ZNF536: variants seen among roughly 807,000 people sequenced by gnomAD.
ZNF536 encodes zinc finger protein 536.
A neutral mutation model predicts 84.5 loss-of-function variants in ZNF536; 13 were observed. The ratio of observed to expected loss-of-function variants is 0.15; its 90% CI spans 0.10 to 0.24. The LOEUF (loss-of-function observed/expected upper bound fraction) is 0.24, where lower values mean the gene tolerates loss of function less well. Among genes scored for constraint, ZNF536 ranks in the 10% least tolerant of loss-of-function variants. The pLI is 1.00. For synonymous variants in ZNF536, 811 were observed against 742.5 expected (o/e 1.09, Z -1.50); for missense variants, 1,536 against 1,747.5 (o/e 0.88, Z 2.16).
chr19:30,309,953 GA>G (rs1431408647), intron 2 of ZNF536, among the ~76,000 whole-genome samples: 1 of 152,036 alleles, frequency 6.6e-6, no homozygotes, highest in African/African-American at 2.4e-5. Context: ...AGTGGGTGGG[GA>G]GGGGCAGGGA....
intron 1 of ZNF536, among the ~76,000 whole-genome samples, chr19:30,376,252 G>A (rs2048815096): frequency 1.3e-5 from 2 of 152,106 alleles, no homozygotes; most frequent in Non-Finnish European, 2.9e-5. Context: ...CCCTATACAC[G>A]CCTTTGTTGA....
At position 30,445,427 on chromosome 19, in the gene ZNF536, G is replaced by A. The variant is rs1481000626; in HGVS notation, c.1865G>A (p.Gly622Asp). ...LNQTLEYNLQGPGNMKEKPTE... is the reference protein window; with the variant it reads ...LNQTLEYNLQDPGNMKEKPTE... Reference sequence around the variant, plus strand: ...CAGACTCTCGAGTATAACCTGCAGGGTCCTGGGAACATGAAGGAGAAGCCC... The same window carrying A: ...CAGACTCTCGAGTATAACCTGCAGGATCCTGGGAACATGAAGGAGAAGCCC... Residue 622 changes from glycine to aspartate, a missense_variant, in exon 2 of 5, where the codon GGT (glycine) becomes GAT (aspartate). Gly to Asp is a moderately conservative substitution (Grantham distance 94). Coordinates refer to ENST00000355537, the MANE Select transcript of ZNF536 (RefSeq NM_014717.3). This position sits in a 1 kb window ranked among gnomAD's most constrained non-coding sequence, Gnocchi z 4.5. The A allele has an allele frequency of 1.1e-5, 18 of 1,614,164 alleles. No homozygotes were observed. The highest frequency in any genetic ancestry group is 1.4e-5 in the Non-Finnish European group (17 of 1,180,042).
intron 1 of ZNF536, among the ~76,000 whole-genome samples, chr19:30,443,042 T>TG (rs1491121394): frequency 4.2e-5 from 4 of 95,464 alleles, no homozygotes; most frequent in African/African-American, 1.4e-4. Flanking sequence ...GTTTTTTGTT[T>TG]GTTTTTTTTT....
intron 2 of ZNF536, among the ~76,000 whole-genome samples, chr19:30,332,629 T>C (rs1279423049): frequency 1.3e-5 from 2 of 152,348 alleles, no homozygotes; most frequent in East Asian, 3.9e-4. Context: ...CCCTGCTTAC[T>C]CACTTCATCA....
chr19:30,432,476 C>T (rs746903302), intron 1 of ZNF536, among the ~76,000 whole-genome samples: 1 of 152,116 alleles, frequency 6.6e-6, no homozygotes, highest in Non-Finnish European at 1.5e-5. Flanking sequence ...CAGGATGTAG[C>T]ATGGAGGATG....
chr19:30,482,976 G>T (rs991413276), intron 2 of ZNF536, among the ~76,000 whole-genome samples: 2 of 152,108 alleles, frequency 1.3e-5, no homozygotes, highest in African/African-American at 4.8e-5. Flanking sequence ...AGGAGCCTGG[G>T]GACACCACTC....
At chr19:30,470,668 G>C (rs532384097) in intron 2 of ZNF536, among the ~76,000 whole-genome samples, 2 of 150,796 alleles carry the variant, frequency 1.3e-5, no homozygotes, top group South Asian at 4.2e-4. Context: ...GTCCTGGACG[G>C]GTATTTTGTA....
At chr19:30,608,500 G>T (rs183434507) in intron 1 of ZNF536, among the ~76,000 whole-genome samples, 6 of 152,228 alleles carry the variant, frequency 3.9e-5, no homozygotes, top group Admixed American at 2.6e-4. Flanking sequence ...GACTGGCCAG[G>T]GCTAATCCTA....
intron 2 of ZNF536, among the ~76,000 whole-genome samples, chr19:30,531,358 T>C (rs1373055857): frequency 6.6e-6 from 1 of 152,052 alleles, no homozygotes; most frequent in Non-Finnish European, 1.5e-5. Context: ...TATTTTTATC[T>C]GTAATGTGGC....
chr19:30,583,266 G>C (rs912842048), intron 1 of ZNF536, among the ~76,000 whole-genome samples: 3 of 152,212 alleles, frequency 2.0e-5, no homozygotes, highest in South Asian at 2.1e-4. Flanking sequence ...CAGTCCCTGA[G>C]CAGAACAGGG....
intron 1 of ZNF536, among the ~76,000 whole-genome samples, chr19:30,606,711 G>A (rs1217562584): frequency 2.0e-5 from 3 of 152,098 alleles, no homozygotes; most frequent in African/African-American, 7.2e-5. Context: ...GGCACAAACG[G>A]GAGGGTGGCT....
chr19:30,582,375 CTTT>C (rs35509271), intron 1 of ZNF536, among the ~76,000 whole-genome samples: 2 of 89,172 alleles, frequency 2.2e-5, no homozygotes, highest in South Asian at 4.5e-4. Flanking sequence ...CCTAGTTTCT[CTTT>C]TTTTTTTTTT....
chr19:30,289,871 C>T (rs556011417), intron 2 of ZNF536, among the ~76,000 whole-genome samples: 4 of 152,180 alleles, frequency 2.6e-5, no homozygotes, highest in East Asian at 1.9e-4. Context: ...AAAATAATTG[C>T]GATAAAATAC....
At chr19:30,542,153 C>A (rs2045357973) in intron 3 of ZNF536, among the ~76,000 whole-genome samples, 1 of 151,980 alleles carries the variant, frequency 6.6e-6, no homozygotes, top group African/African-American at 2.4e-5. Flanking sequence ...ACATCTTAAA[C>A]CTTAAAATGG....
intron 1 of ZNF536, among the ~76,000 whole-genome samples, chr19:30,431,176 C>G (rs2051443715): frequency 6.6e-6 from 1 of 152,134 alleles, no homozygotes; most frequent in South Asian, 2.1e-4. Flanking sequence ...TGAGATGGGC[C>G]ACCTGCAGCC....
Position 30,280,288 on chromosome 19 carries a change from A to G in ZNF536, c.-189-3784A>G, listed in dbSNP as rs191368083. On this transcript the variant is annotated intron_variant, in intron 1 of 5. Transcript: ENST00000585628. ...TTTTCCCTCCCACTTCCATTTTTGC[A>G]TCCATCTTCATCCTTCTCTCCTTCT... Among the ~76,000 whole-genome samples, 100 of 146,018 alleles carry G rather than the reference A, an allele frequency of 6.8e-4. 1 individual carries two copies. Among genetic ancestry groups the G allele is most frequent in the Middle Eastern group, 3.5e-3 (1 of 286 alleles).
chr19:30,677,315 A>G (rs1412638853), intron 1 of ZNF536, among the ~76,000 whole-genome samples: 1 of 152,236 alleles, frequency 6.6e-6, no homozygotes, highest in Non-Finnish European at 1.5e-5. Flanking sequence ...GTTATACTTA[A>G]GATCTCAACA....
chr19:30,635,916 T>C (rs931670013), intron 1 of ZNF536, among the ~76,000 whole-genome samples: 1 of 152,208 alleles, frequency 6.6e-6, no homozygotes, highest in Non-Finnish European at 1.5e-5. Context: ...TTCTGAGCTG[T>C]GGCTGCAGGC....
At chr19:30,527,824 C>T (rs2044648403) in intron 2 of ZNF536, among the ~76,000 whole-genome samples, 1 of 152,038 alleles carries the variant, frequency 6.6e-6, no homozygotes, top group Admixed American at 6.6e-5. Flanking sequence ...TTGGACTTTC[C>T]CCAAGGTGTC....
Sources: allele counts gnomAD v4.1 joint callset (sites outside exome capture counted in the v4.1 genomes callset), GRCh38; gene constraint gnomAD v4.1.1; non-coding constraint Gnocchi (gnomAD v3.1); transcripts MANE v1.5; gene names NCBI Gene and HGNC (gene_info 2026-07-23, HGNC 2026-07-21).